Variants in MAP3K15 observed in about 807,000 individuals in gnomAD.
MAP3K15 encodes the protein MAPK/ERK kinase kinase 15.
A neutral mutation model predicts 99.5 loss-of-function variants in MAP3K15; 124 were observed. That is an observed-to-expected ratio of 1.25 (90% CI 1.08 to 1.45). The LOEUF (loss-of-function observed/expected upper bound fraction) is 1.45, where lower values mean the gene tolerates loss of function less well. MAP3K15 is among the 40% of genes most tolerant of loss of function. The probability of loss-of-function intolerance (pLI) is 0.00; values close to 1 mark genes in which losing one functional copy is unlikely to be tolerated. For missense variants in MAP3K15, 1,242 were observed against 1,079.7 expected (o/e 1.15, Z -2.11); for synonymous variants, 494 against 439.6 (o/e 1.12, Z -1.55).
At chrX:19,384,498 G>C (rs948605996) in intron 18 of MAP3K15, among the ~76,000 whole-genome samples, 6 of 110,114 alleles carry the variant, frequency 5.4e-5, no homozygotes, top group African/African-American at 2.0e-4. Context: ...CCAGCACTTT[G>C]GGAGGCCGAG....
At chrX:19,512,505 C>T (rs913896215) in intron 1 of MAP3K15, among the ~76,000 whole-genome samples, 1 of 111,119 alleles carries the variant, frequency 9.0e-6, no homozygotes, top group Non-Finnish European at 1.9e-5. Context: ...GACAGGGTCT[C>T]GATCTGTCAC....
chrX:19,469,994 G>A (rs773618806), intron 3 of MAP3K15, among the ~76,000 whole-genome samples: 182 of 110,692 alleles, frequency 1.6e-3, no homozygotes, highest in African/African-American at 5.8e-3. Context: ...TCAGTGTGGC[G>A]ATTCCTCAGG....
chrX:19,398,303 A>C lies in MAP3K15; in HGVS notation c.1989T>G (p.Tyr663Ter). The C allele has an allele frequency of 2.5e-6, 3 of 1,211,258 alleles. No homozygotes were observed. Among genetic ancestry groups the C allele is most frequent in the Non-Finnish European group, 1.1e-6 (1 of 895,164 alleles). The change falls in exon 15 of 29, where the codon TAT (tyrosine) becomes TAG (stop). Residue 663 changes from tyrosine to a stop codon, truncating the protein, a stop_gained. Transcript: ENST00000338883. LOFTEE classifies it high-confidence loss of function. ...GERVVLGKGT[Y>*]GIVYAGRDLS... Reference sequence around the variant, plus strand: ...GATCTCGGCCAGCATACACAATCCCATACGTGCCTTTCCCCAAGACAACTC... The same window carrying C: ...GATCTCGGCCAGCATACACAATCCCCTACGTGCCTTTCCCCAAGACAACTC...
At chrX:19,398,161 C>T in intron 15 of MAP3K15, 65 bp downstream of exon 15, 5 of 1,174,052 alleles carry the variant, frequency 4.3e-6, no homozygotes, top group African/African-American at 3.5e-5. Context: ...ACACCATGAG[C>T]GGTGGGTATG....
intron 23 of MAP3K15, 69 bp downstream of exon 23, chrX:19,371,276 G>T: frequency 1.9e-6 from 2 of 1,046,042 alleles, no homozygotes; most frequent in Non-Finnish European, 2.6e-6. Context: ...AGAGATGGGG[G>T]CTATGGGAGG....
chrX:19,490,943 T>C (rs1602348935), intron 1 of MAP3K15, among the ~76,000 whole-genome samples: 1 of 111,261 alleles, frequency 9.0e-6, no homozygotes, highest in African/African-American at 3.3e-5. Context: ...GGGAGCTTCC[T>C]TACCATGTGC....
intron 5 of MAP3K15, among the ~76,000 whole-genome samples, chrX:19,457,431 G>A (rs189562464): frequency 9.0e-6 from 1 of 111,059 alleles, no homozygotes; most frequent in East Asian, 2.9e-4. Flanking sequence ...GGCCAACATG[G>A]TGAAACCCTG....
intron 4 of MAP3K15, among the ~76,000 whole-genome samples, chrX:19,461,126 C>T (rs2064130476): frequency 3.6e-5 from 4 of 112,232 alleles, no homozygotes; most frequent in Admixed American, 1.9e-4. Flanking sequence ...ACCATAGGCG[C>T]CCGCCACCAT....
chrX:19,430,281 A>T (rs1444662008), intron 7 of MAP3K15, among the ~76,000 whole-genome samples: 1 of 111,693 alleles, frequency 9.0e-6, no homozygotes, highest in Non-Finnish European at 1.9e-5. Context: ...TCTGCATACC[A>T]GGTAAGAAAG....
Position 19,429,584 on chromosome X carries a change from A to T in MAP3K15, c.1166+1854T>A, listed in dbSNP as rs1400995854. Among the ~76,000 whole-genome samples, 5 of 109,973 alleles carry T rather than the reference A, an allele frequency of 4.5e-5. No homozygotes were observed. In the East Asian group the frequency reaches 1.4e-3, roughly 32 times the overall value. On this transcript the variant is annotated intron_variant, in intron 7 of 28. Coordinates refer to ENST00000338883, the MANE Select transcript of MAP3K15 (RefSeq NM_001001671.4). ...ATGTTGAGTCTGAAATATCAACATC[A>T]TCTTGAGGTAGAACAGGTGGACAAA...
intron 9 of MAP3K15, among the ~76,000 whole-genome samples, chrX:19,419,630 C>T (rs777061301): frequency 2.3e-4 from 26 of 111,160 alleles, no homozygotes; most frequent in Middle Eastern, 9.2e-3. Flanking sequence ...GACAGATCCA[C>T]GAGACAGAAA....
In MAP3K15 at chrX:19,431,478, C is replaced by A. The variant is rs1419011602; in HGVS notation, c.1126G>T (p.Asp376Tyr). The change falls in exon 7 of 29, where the codon GAC becomes TAC. Residue 376 changes from aspartate (D) to tyrosine (Y), a missense_variant. By Grantham distance (160) the Asp-to-Tyr change is radical. Coordinates refer to ENST00000338883, the MANE Select transcript of MAP3K15 (RefSeq NM_001001671.4). ...RIYKDIFLDS[D>Y]CKDDTSRDSA... ...TCGCGGCTGGTGTCATCTTTGCAGT[C>A]TGAATCCAAGAAGATGTCCTTGTAG... 2.5e-6 allele frequency: 3 copies of A among 1,200,444 alleles called. No homozygotes were observed. The highest frequency in any genetic ancestry group is 3.5e-5 in the South Asian group (2 of 56,961).
chrX:19,425,453 A>T, intron 9 of MAP3K15, 78 bp downstream of exon 9: 1 of 980,564 alleles, frequency 1.0e-6, no homozygotes, highest in Non-Finnish European at 1.4e-6. Context: ...AAGGAGAAAC[A>T]TAGTGATTAT....
chrX:19,446,429 TAAA>T (rs1395450666), intron 6 of MAP3K15, among the ~76,000 whole-genome samples: 1 of 111,871 alleles, frequency 8.9e-6, no homozygotes, highest in Non-Finnish European at 1.9e-5. Context: ...TCTCTCTCTT[TAAA>T]AAAGATGACT....
At chrX:19,465,361 G>A (rs774240599) in intron 3 of MAP3K15, among the ~76,000 whole-genome samples, 6 of 111,531 alleles carry the variant, frequency 5.4e-5, no homozygotes, top group African/African-American at 2.0e-4. Flanking sequence ...TGAAAATAGG[G>A]TTGGTTTTCT....
Position 19,409,973 on chromosome X carries a change from T to A in MAP3K15, c.1699A>T (p.Lys567Ter). Residue 567 changes from lysine to a stop codon, truncating the protein, a stop_gained and splice_region_variant, in exon 12 of 29, where the codon AAA becomes TAA. Coordinates refer to ENST00000338883, the MANE Select transcript of MAP3K15 (RefSeq NM_001001671.4). LOFTEE classifies it high-confidence loss of function. ...GTAAAATTCCATTCGTGCATCTGTT[T>A]CTGCAAGTTATCAAAGACAGAAGTC... Reference protein sequence around the residue: ...SLWHVSPTEMKQMHEWNFTAS... With the variant: ...SLWHVSPTEM The A allele has an allele frequency of 5.0e-6, 6 of 1,204,050 alleles. No homozygotes were observed. Among genetic ancestry groups the A allele is most frequent in the Non-Finnish European group, 6.8e-6 (6 of 888,757 alleles).
intron 26 of MAP3K15, 42 bp from the exon 27 acceptor site, chrX:19,361,635 A>C (rs368185128): frequency 1.0e-4 from 93 of 925,797 alleles, no homozygotes; most frequent in Admixed American, 2.9e-4. Flanking sequence ...TCTAACCATA[A>C]AACTCTTCAA....
chrX:19,464,470 G>C, intron 3 of MAP3K15, 64 bp from the exon 4 acceptor site: 1 of 846,933 alleles, frequency 1.2e-6, no homozygotes, highest in Non-Finnish European at 1.6e-6. Flanking sequence ...CTCTGGGCAG[G>C]TGGCGCCTGG....
intron 19 of MAP3K15, among the ~76,000 whole-genome samples, chrX:19,377,492 CAA>C (rs911548675): frequency 6.3e-5 from 7 of 110,245 alleles, no homozygotes; most frequent in African/African-American, 2.3e-4. Flanking sequence ...TGCAGTGAGC[CAA>C]GATTGTGCCA....
Sources: gnomAD v4.1 joint callset for allele counts (sites outside exome capture counted in the v4.1 genomes callset) on GRCh38, gnomAD v4.1.1 for gene constraint, MANE v1.5 for transcripts, NCBI Gene and HGNC (gene_info 2026-07-23, HGNC 2026-07-21) for gene names.